The following GALNTL6 variants were observed in gnomAD, a reference collection of about 807,000 sequenced individuals.
The protein encoded by GALNTL6 is polypeptide N-acetylgalactosaminyltransferase-like 6.
A neutral mutation model predicts 73.7 loss-of-function variants in GALNTL6; 46 were observed. The observed-to-expected ratio is 0.62, with a 90% CI of 0.49 to 0.80. The LOEUF is 0.80. Among genes scored for constraint, GALNTL6 ranks in the 30% least tolerant of loss-of-function variants. GALNTL6 has a pLI of 0.00. For synonymous variants in GALNTL6, 259 were observed against 263.7 expected, an observed-to-expected ratio of 0.98 and a Z score of 0.17; for missense variants, 604 against 755.0, an observed-to-expected ratio of 0.80 and a Z score of 2.34.
intron 2 of GALNTL6, among the ~76,000 whole-genome samples, chr4:171,973,499 T>C (rs1739630138): frequency 6.6e-6 from 1 of 152,158 alleles, no homozygotes; most frequent in Non-Finnish European, 1.5e-5. Context: ...CGTTTTCACA[T>C]GGATACTGTC....
chr4:172,948,636 T>C (rs1749291768), intron 9 of GALNTL6, among the ~76,000 whole-genome samples: 1 of 147,992 alleles, frequency 6.8e-6, no homozygotes, highest in African/African-American at 2.5e-5. Flanking sequence ...TTTTTTTTTG[T>C]ATTTTTACAT....
chr4:172,193,946 A>G (rs1389640230), intron 2 of GALNTL6, among the ~76,000 whole-genome samples: 2 of 152,186 alleles, frequency 1.3e-5, no homozygotes, highest in African/African-American at 2.4e-5. Context: ...AATGATCGCA[A>G]TACCTGTCCA....
Position 172,508,027 on chromosome 4 carries a change from A to G in GALNTL6, c.553+159338A>G, listed in dbSNP as rs1734403366. 3.6e-5 allele frequency among the ~76,000 whole-genome samples: 2 copies of G among 55,482 alleles called. 1 individual carries two copies. The highest frequency in any genetic ancestry group is 3.5e-3 in the South Asian group (2 of 570). The allele number at this position is 55,482 out of a possible 152,430, so 36.4% of individuals were successfully genotyped here. A position where few individuals can be genotyped will look rare whatever the true frequency, so the allele number is the denominator to read the frequency against. ...AGTTGTTTTGTAGGAACAGCGGTAC[A>G]TGGAAAACGTTTTAGCATGGGGATA... On this transcript the variant is annotated intron_variant, in intron 5 of 12. Coordinates refer to ENST00000506823, the MANE Select transcript of GALNTL6 (RefSeq NM_001034845.3).
chr4:172,246,240 G>A (rs547822119), intron 3 of GALNTL6, among the ~76,000 whole-genome samples: 7 of 152,180 alleles, frequency 4.6e-5, no homozygotes, highest in African/African-American at 1.4e-4. Context: ...GACCAACTGA[G>A]CCTTAGGGAT....
chr4:172,514,068 G>T (rs1164566701), intron 5 of GALNTL6, among the ~76,000 whole-genome samples: 1 of 152,160 alleles, frequency 6.6e-6, no homozygotes, highest in Non-Finnish European at 1.5e-5. Flanking sequence ...TTTCAAGACA[G>T]CATCAGCTGT....
chr4:172,246,378 A>T (rs879611447), intron 3 of GALNTL6, among the ~76,000 whole-genome samples: 1 of 152,196 alleles, frequency 6.6e-6, no homozygotes, highest in Non-Finnish European at 1.5e-5. Flanking sequence ...CCATTTATGC[A>T]TAGAATTTTT....
At position 172,097,185 on chromosome 4, in the gene GALNTL6, T is replaced by C. The variant is rs531256758; in HGVS notation, c.139-132471T>C. On this transcript the variant is annotated intron_variant, in intron 2 of 12. Coordinates refer to ENST00000506823, the MANE Select transcript of GALNTL6 (RefSeq NM_001034845.3). ...TATTACCCACTTCTATTCTTTGTTT[T>C]GTAATCTCTGTTTGGAGTCATTGGG... 2.6e-5 allele frequency among the ~76,000 whole-genome samples: 4 copies of C among 152,334 alleles called. 1 individual carries two copies. The highest frequency in any genetic ancestry group is 1.3e-4 in the Admixed American group (2 of 15,300).
chr4:173,011,820 C>T lies in GALNTL6; in HGVS notation c.1488+2526C>T, dbSNP rs1752566240. Among the ~76,000 whole-genome samples the T allele has an allele frequency of 2.0e-5, 3 of 152,192 alleles. No homozygotes were observed. In the South Asian group the frequency reaches 6.2e-4, roughly 32 times the overall value. On this transcript the variant is annotated intron_variant, in intron 11 of 12. Transcript: ENST00000506823. ...TAACCCTCTTAGAAATTTGAAAGTC[C>T]TTGCAAGCAGCTTCCCTGATACTGT...
rs150540050 is a variant in GALNTL6 at position 171,968,425 on chromosome 4, C to T, written c.138+153707C>T. 5.3e-5 allele frequency among the ~76,000 whole-genome samples: 8 copies of T among 152,244 alleles called. No individual in the cohort carries two copies. In the East Asian group the frequency reaches 1.5e-3, roughly 29 times the overall value. On this transcript the variant is annotated intron_variant, in intron 2 of 12. Transcript: ENST00000506823. ...ATTGCTCGTCTTTTAAACACAACAC[C>T]GTAATCTCTTCCTCCATCTTCAAGT...
At chr4:172,441,155 A>G (rs1368308946) in intron 5 of GALNTL6, among the ~76,000 whole-genome samples, 1 of 152,146 alleles carries the variant, frequency 6.6e-6, no homozygotes, top group East Asian at 1.9e-4. Flanking sequence ...CACACATACC[A>G]ATGTCATTTA....
At chr4:172,080,702 T>G (rs1219309659) in intron 2 of GALNTL6, among the ~76,000 whole-genome samples, 2 of 151,824 alleles carry the variant, frequency 1.3e-5, no homozygotes, top group Non-Finnish European at 2.9e-5. Flanking sequence ...GGTCTGATTT[T>G]GAATTTTCTA....
intron 5 of GALNTL6, among the ~76,000 whole-genome samples, chr4:172,437,306 C>T (rs1469932291): frequency 6.6e-6 from 1 of 152,018 alleles, no homozygotes; most frequent in Non-Finnish European, 1.5e-5. Flanking sequence ...TCTAAAACAT[C>T]CACAATGATG....
At chr4:172,111,415 AG>A (rs1732848297) in intron 2 of GALNTL6, among the ~76,000 whole-genome samples, 1 of 151,986 alleles carries the variant, frequency 6.6e-6, no homozygotes, top group Non-Finnish European at 1.5e-5. Flanking sequence ...AATTATTTTT[AG>A]TTTTATTTTA....
chr4:172,027,625 CAT>C (rs1256408425), intron 2 of GALNTL6, among the ~76,000 whole-genome samples: 3 of 100,664 alleles, frequency 3.0e-5, no homozygotes, highest in Non-Finnish European at 5.0e-5. Flanking sequence ...AGAAAAATCA[CAT>C]GTCTCTCACT....
intron 4 of GALNTL6, among the ~76,000 whole-genome samples, chr4:172,317,952 A>C (rs1740621150): frequency 6.6e-6 from 1 of 152,220 alleles, no homozygotes; most frequent in Admixed American, 6.5e-5. Flanking sequence ...GAATGTTGCC[A>C]CAGAGACAGA....
At chr4:171,967,447 G>GTTTTTTGTTTTTTTTTTTTT (rs1553976625) in intron 2 of GALNTL6, among the ~76,000 whole-genome samples, 1 of 14,330 alleles carries the variant, frequency 7.0e-5, no homozygotes, top group African/African-American at 9.7e-5. Flanking sequence ...CCCCCTATGG[G>GTTTTTTGTTTTTTTTTTTTT]TTTTTTTTTT....
At chr4:171,955,858 T>C in intron 2 of GALNTL6, among the ~76,000 whole-genome samples, 1 of 152,128 alleles carries the variant, frequency 6.6e-6, no homozygotes, top group East Asian at 1.9e-4. Flanking sequence ...TAACTTGCTT[T>C]CCCCCAAAAA....
chr4:172,310,847 TAATAA>T (rs1438206887), intron 3 of GALNTL6, among the ~76,000 whole-genome samples: 12 of 151,792 alleles, frequency 7.9e-5, no homozygotes, highest in Non-Finnish European at 1.5e-4. Flanking sequence ...TAATCTGATT[TAATAA>T]AATAAAATAT....
At chr4:172,221,330 A>G (rs541976810) in intron 2 of GALNTL6, among the ~76,000 whole-genome samples, 2 of 151,704 alleles carry the variant, frequency 1.3e-5, no homozygotes, top group South Asian at 4.2e-4. Flanking sequence ...GTTTTCCTTG[A>G]CGAATTGATA....
Sources: gnomAD v4.1 joint callset for allele counts (sites outside exome capture counted in the v4.1 genomes callset) on GRCh38, gnomAD v4.1.1 for gene constraint, MANE v1.5 for transcripts, NCBI Gene and HGNC (gene_info 2026-07-23, HGNC 2026-07-21) for gene names.